The following SPON2 variants were observed in gnomAD, a reference collection of about 807,000 sequenced individuals.
The protein encoded by SPON2 is spondin-2.
A neutral mutation model predicts 29.9 loss-of-function variants in SPON2; 32 were observed. The observed-to-expected ratio is 1.07, with a 90% CI of 0.81 to 1.44. The LOEUF (loss-of-function observed/expected upper bound fraction) is 1.44, where lower values mean the gene tolerates loss of function less well. SPON2 is among the 40% of genes most tolerant of loss of function. The probability of loss-of-function intolerance (pLI) is 0.00; values close to 1 mark genes in which losing one functional copy is unlikely to be tolerated. For missense variants in SPON2, 541 were observed against 455.5 expected (o/e 1.19, Z -1.71); for synonymous variants, 248 against 209.1 (o/e 1.19, Z -1.61).
chr4:1,194,981 CG>C (rs1728020273), intron 1 of SPON2: 5 of 139,952 alleles, frequency 3.6e-5, no homozygotes, highest in African/African-American at 5.5e-5. Flanking sequence ...CCGCAGCCGG[CG>C]GCCTCACCTC....
intron 1 of SPON2, among the ~76,000 whole-genome samples, chr4:1,201,889 G>A (rs1431720291): frequency 1.3e-5 from 2 of 152,172 alleles, no homozygotes; most frequent in Non-Finnish European, 2.9e-5. Context: ...AGCCGGTGCT[G>A]CCTTCTTGAG....
In SPON2 at chr4:1,171,311, GC is replaced by G; in HGVS notation, c.395del (p.Gly132AlafsTer79). The G allele has an allele frequency of 6.3e-7, 1 of 1,598,534 alleles. No homozygotes were observed. The highest frequency in any genetic ancestry group is 1.1e-5 in the South Asian group (1 of 90,024). On this transcript the variant is annotated frameshift_variant, in exon 3 of 6. Coordinates refer to ENST00000290902, the MANE Select transcript of SPON2 (RefSeq NM_012445.4). LOFTEE classifies it high-confidence loss of function. Reference protein sequence around the residue: ...AVFSAPAVPSGTGQTSAELEV... With the variant: ...AVFSAPAVPSXTGQTSAELEV... Reference sequence around the variant, plus strand: ...CCAGCTCCGCCGACGTCTGCCCGGTGCCGCTGGGGACGGCGGGCGCCGAAAA... The same window carrying G: ...CCAGCTCCGCCGACGTCTGCCCGGTGCGCTGGGGACGGCGGGCGCCGAAAA...
chr4:1,206,856 ACAGGTGTGAG>A (rs1344770826), intron 1 of SPON2, among the ~76,000 whole-genome samples: 42 of 152,118 alleles, frequency 2.8e-4, no homozygotes, highest in East Asian at 1.4e-3. Context: ...TGAGGGGCAG[ACAGGTGTGAG>A]CAGGTGTGAG....
chr4:1,183,357 A>G (rs1364216566), intron 1 of SPON2, among the ~76,000 whole-genome samples: 1 of 152,186 alleles, frequency 6.6e-6, no homozygotes, highest in African/African-American at 2.4e-5. Flanking sequence ...AGGAAGTCCT[A>G]TAGGGTGAAA....
At chr4:1,179,299 G>A (rs1055267915) in intron 2 of SPON2, 1 of 152,246 alleles carries the variant, frequency 6.6e-6, no homozygotes, top group Non-Finnish European at 1.5e-5. Context: ...CCTTGCAAAG[G>A]AGGCCAGGTC....
chr4:1,167,370 G>A lies in SPON2; in HGVS notation c.*102C>T, dbSNP rs77549869. On this transcript the variant is annotated 3_prime_UTR_variant, in exon 6 of 6. Transcript: ENST00000290902. The stretch of plus-strand genomic sequence containing the variant: ...CGGCCTCACCGCGGTCAGGAGCAGC[G>A]CGAAACCCCCTGTGCCCTCGGCCGC... 5,290 of 1,268,278 alleles carry A rather than the reference G, an allele frequency of 4.2e-3. 179 individuals are homozygous for A. In the African/African-American group the frequency reaches 0.068, roughly 16 times the overall value. 78.6% of individuals were successfully genotyped at this position (1,268,278 alleles called of 1,614,324 possible).
At chr4:1,195,087 G>GTTCCAACCCCGCAGCCGGCGT (rs1728031909) in exon 1 of SPON2, 1 of 131,202 alleles carries the variant, frequency 7.6e-6, no homozygotes, top group Non-Finnish European at 1.6e-5. Flanking sequence ...GCAGCCGGCG[G>GTTCCAACCCCGCAGCCGGCGT]CTCCAACCCC....
rs916322013 is a variant in SPON2 at position 1,167,270 on chromosome 4, T to C, written c.*202A>G. ...ACACGGGGGCCCCTAAGAAGCAAGG[T>C]TGGGAAAGGAGGAGGCTGTTTCCCA... On this transcript the variant is annotated 3_prime_UTR_variant, in exon 6 of 6. Transcript: ENST00000290902. The C allele has an allele frequency of 8.5e-5, 46 of 543,364 alleles. No homozygotes were observed. Among genetic ancestry groups the C allele is most frequent in the African/African-American group, 7.7e-4 (40 of 51,978 alleles). 33.7% of individuals were successfully genotyped at this position (543,364 alleles called of 1,614,324 possible).
chr4:1,172,272 G>A (rs984114147), intron 1 of SPON2, 198 bp from the exon 2 acceptor site: 1 of 603,170 alleles, frequency 1.7e-6, no homozygotes, highest in Non-Finnish European at 2.9e-6. Flanking sequence ...TAGATCGCCC[G>A]TGCGCCTGCG....
chr4:1,170,906 CCTGGG>C, intron 4 of SPON2, 88 bp downstream of exon 4: 1 of 1,489,930 alleles, frequency 6.7e-7, no homozygotes, highest in Non-Finnish European at 9.1e-7. Flanking sequence ...AAGCGGCTGT[CCTGGG>C]CTGGGAGGCG....
intron 5 of SPON2, 122 bp from the exon 6 acceptor site, chr4:1,167,778 CTTGCG>C: frequency 9.2e-7 from 1 of 1,082,020 alleles, no homozygotes; most frequent in East Asian, 2.6e-5. Context: ...TTCGGGGGCA[CTTGCG>C]TTTCTCCGCA....
intron 1 of SPON2, among the ~76,000 whole-genome samples, chr4:1,185,331 C>T (rs1727770130): frequency 6.6e-6 from 1 of 151,824 alleles, no homozygotes. Context: ...CCACCTCGGC[C>T]TCCCAAAGTG....
intron 2 of SPON2, 154 bp from the exon 3 acceptor site, chr4:1,171,640 C>T: frequency 1.2e-6 from 1 of 867,670 alleles, no homozygotes. Context: ...CTGCCCCTGC[C>T]GCGACCCACC....
At chr4:1,176,206 C>G (rs1211929179), upstream of SPON2, among the ~76,000 whole-genome samples, 2 of 152,032 alleles carry the variant, frequency 1.3e-5, no homozygotes, top group Admixed American at 6.5e-5. Context: ...CCCCCTGGCT[C>G]TCAGACCCTC....
chr4:1,171,009 G>A lies in SPON2; in HGVS notation c.626C>T (p.Thr209Met). ...GGGGTGCCCACTCACCTCGGTCACC[G>A]TGTCCTGCGGGATGGTGGCGAAGTT... The part of the protein sequence containing the change: ...SPNFATIPQD[T>M]VTEITSSSPS... The change falls in exon 4 of 6, where the codon ACG (threonine) becomes ATG (methionine). Residue 209 changes from threonine (T) to methionine (M), a missense_variant. Thr to Met is a moderately conservative substitution (Grantham distance 81). Coordinates refer to ENST00000290902, the MANE Select transcript of SPON2 (RefSeq NM_012445.4). The A allele has an allele frequency of 1.3e-6, 2 of 1,548,258 alleles. No individual in the cohort carries two copies. The highest frequency in any genetic ancestry group is 1.7e-6 in the Non-Finnish European group (2 of 1,145,402).
chr4:1,198,204 C>T (rs1728113896), upstream of SPON2, among the ~76,000 whole-genome samples: 1 of 152,226 alleles, frequency 6.6e-6, no homozygotes, highest in African/African-American at 2.4e-5. Flanking sequence ...GGGGCAGCTG[C>T]TTCGAAACCT....
upstream of SPON2, among the ~76,000 whole-genome samples, chr4:1,175,800 C>T (rs1248690211): frequency 1.3e-5 from 2 of 152,008 alleles, no homozygotes; most frequent in African/African-American, 4.8e-5. Flanking sequence ...GCCTGGGGGT[C>T]TCTAGCTAGG....
upstream of SPON2, among the ~76,000 whole-genome samples, chr4:1,176,371 C>A (rs892920806): frequency 2.6e-5 from 4 of 152,182 alleles, no homozygotes; most frequent in African/African-American, 9.7e-5. Context: ...CCCCCACATA[C>A]ACACACAGTA....
At chr4:1,207,191 C>T (rs1190392582) in intron 1 of SPON2, among the ~76,000 whole-genome samples, 8 of 151,274 alleles carry the variant, frequency 5.3e-5, no homozygotes, top group African/African-American at 1.7e-4. Flanking sequence ...GGCAGGCAGC[C>T]GGGCCCCGCC....
Sources: gnomAD v4.1 joint callset for allele counts (sites outside exome capture counted in the v4.1 genomes callset) on GRCh38, gnomAD v4.1.1 for gene constraint, MANE v1.5 for transcripts, NCBI Gene and HGNC (gene_info 2026-07-23, HGNC 2026-07-21) for gene names.